Variants in EPHA6 observed in about 807,000 individuals in gnomAD.
The protein encoded by EPHA6 is EPH receptor A6.
Under a neutral mutation model 112.0 loss-of-function variants are expected in EPHA6, and 50 were observed. That is an observed-to-expected ratio of 0.45 (90% confidence interval 0.36 to 0.56). The LOEUF is 0.56. Among genes scored for constraint, EPHA6 ranks in the 20% least tolerant of loss-of-function variants. The probability of loss-of-function intolerance (pLI) is 0.00; values close to 1 mark genes in which losing one functional copy is unlikely to be tolerated. For synonymous variants in EPHA6, 529 were observed against 490.7 expected (o/e 1.08, Z -1.03); for missense variants, 1,280 against 1,417.4 (o/e 0.90, Z 1.56).
At chr3:97,516,334 T>C (rs1361554400) in intron 10 of EPHA6, among the ~76,000 whole-genome samples, 1 of 152,204 alleles carries the variant, frequency 6.6e-6, no homozygotes, top group Non-Finnish European at 1.5e-5. Context: ...ACAAGCCTTG[T>C]TAAGCATGAG....
chr3:97,716,070 G>A (rs1168323640), intron 14 of EPHA6, among the ~76,000 whole-genome samples: 1 of 152,142 alleles, frequency 6.6e-6, no homozygotes, highest in African/African-American at 2.4e-5. Flanking sequence ...AAAGCAACAT[G>A]TAATGTTCCA....
At chr3:97,187,310 G>A (rs549589248) in intron 3 of EPHA6, among the ~76,000 whole-genome samples, 3 of 152,156 alleles carry the variant, frequency 2.0e-5, no homozygotes, top group African/African-American at 7.2e-5. Flanking sequence ...GGGCACGGTG[G>A]CTCACGCCTG....
At chr3:96,819,413 C>T (rs967336582) in intron 1 of EPHA6, among the ~76,000 whole-genome samples, 3 of 151,962 alleles carry the variant, frequency 2.0e-5, no homozygotes, top group Admixed American at 2.0e-4. Flanking sequence ...AACCCTTTTT[C>T]CCTATCACAA....
At chr3:97,650,328 T>C (rs1272057121) in intron 14 of EPHA6, among the ~76,000 whole-genome samples, 2 of 152,046 alleles carry the variant, frequency 1.3e-5, no homozygotes, top group Non-Finnish European at 2.9e-5. Context: ...GAACTGACAA[T>C]GGCAGATGTT....
Position 97,012,628 on chromosome 3 carries a change from T to A in EPHA6, c.1114+24635T>A, listed in dbSNP as rs996731257. On this transcript the variant is annotated intron_variant, in intron 3 of 17. Transcript: ENST00000389672. ...GTGTGTATATATATATATATGTATTTTTTTTTTTTTTTAAAGAAACTGGGT... is the reference window on the plus strand; with the variant it reads ...GTGTGTATATATATATATATGTATTATTTTTTTTTTTTAAAGAAACTGGGT... Among the ~76,000 whole-genome samples, 8 of 148,380 alleles carry A rather than the reference T, an allele frequency of 5.4e-5. No individual in the cohort carries two copies. The East Asian group carries it at 1.6e-3, about 29-fold the overall frequency.
At position 97,324,417 on chromosome 3, in the gene EPHA6, C is replaced by CT. The variant is rs796396442; in HGVS notation, c.1606+80133dup. On this transcript the variant is annotated intron_variant, in intron 5 of 17. Coordinates refer to ENST00000389672, the MANE Select transcript of EPHA6 (RefSeq NM_001080448.3). ...TTTGCTTTCCTTCTTTTCTTTCTTTCTTTCTTTCTTTCTTTCTTTCTTTCT... is the reference window on the plus strand; with the variant it reads ...TTTGCTTTCCTTCTTTTCTTTCTTTCTTTTCTTTCTTTCTTTCTTTCTTTCT... 2.6e-3 allele frequency among the ~76,000 whole-genome samples: 334 copies of CT among 126,908 alleles called. 2 individuals are homozygous for CT. The highest frequency in any genetic ancestry group is 0.011 in the Middle Eastern group (3 of 270). The allele number at this position is 126,908 out of a possible 152,430, so 83.3% of individuals were successfully genotyped here. A position where few individuals can be genotyped will look rare whatever the true frequency, so the allele number is the denominator to read the frequency against.
intron 5 of EPHA6, among the ~76,000 whole-genome samples, chr3:97,287,247 C>G (rs2080500152): frequency 6.6e-6 from 1 of 151,768 alleles, no homozygotes; most frequent in Admixed American, 6.6e-5. Context: ...TTTCTCTTGC[C>G]TGATTGCTCT....
chr3:97,298,069 T>C (rs1008071188), intron 5 of EPHA6, among the ~76,000 whole-genome samples: 1 of 152,204 alleles, frequency 6.6e-6, no homozygotes, highest in African/African-American at 2.4e-5. Context: ...GGTGGGTTAT[T>C]ATTTTAAAGA....
intron 2 of EPHA6, among the ~76,000 whole-genome samples, chr3:96,883,585 T>G (rs2037447303): frequency 1.3e-5 from 2 of 152,164 alleles, no homozygotes. Flanking sequence ...TTGAGTTGAT[T>G]TTTGTATAAG....
At chr3:97,407,076 T>C (rs114722309) in intron 6 of EPHA6, among the ~76,000 whole-genome samples, 2,387 of 152,236 alleles carry the variant, frequency 0.016, 63 homozygotes, top group African/African-American at 0.052. Flanking sequence ...ATACCTGATA[T>C]GTTTGAGGAT....
chr3:97,598,706 A>C (rs1576021490), intron 12 of EPHA6, among the ~76,000 whole-genome samples: 4 of 151,440 alleles, frequency 2.6e-5, no homozygotes, highest in Non-Finnish European at 1.5e-5. Context: ...TGCTATTGTG[A>C]ATAATGCCGC....
intron 10 of EPHA6, among the ~76,000 whole-genome samples, chr3:97,500,414 G>T (rs543752119): frequency 6.6e-6 from 1 of 152,248 alleles, no homozygotes; most frequent in African/African-American, 2.4e-5. Context: ...GGTGAAGGGG[G>T]AGCAGGCATG....
chr3:97,287,945 C>A (rs1040242273), intron 5 of EPHA6, among the ~76,000 whole-genome samples: 7 of 151,782 alleles, frequency 4.6e-5, no homozygotes, highest in Admixed American at 4.6e-4. Context: ...GAATTCCCTC[C>A]TCTGCAATTT....
In EPHA6 at chr3:97,539,030, T is replaced by G. The variant is rs149080997; in HGVS notation, c.2386+6487T>G. Among the ~76,000 whole-genome samples the G allele has an allele frequency of 4.2e-3, 609 of 145,730 alleles. 5 individuals are homozygous for G. Among genetic ancestry groups the G allele is most frequent in the Non-Finnish European group, 5.7e-3 (380 of 66,898 alleles). On this transcript the variant is annotated intron_variant, in intron 11 of 17. Coordinates refer to ENST00000389672, the MANE Select transcript of EPHA6 (RefSeq NM_001080448.3). ...TTCTTTCTTTCTTTCTTTCTTTCTT[T>G]CTTTCTTGCTTTCTTTCTTTCTTTT...
intron 3 of EPHA6, among the ~76,000 whole-genome samples, chr3:96,994,715 A>G (rs958665457): frequency 8.7e-5 from 8 of 92,078 alleles, no homozygotes; most frequent in African/African-American, 2.9e-4. Flanking sequence ...GTGTGTATAT[A>G]TATATATATA....
chr3:97,324,450 T>TTTCTTTCTTTCC (rs2082299753), intron 5 of EPHA6, among the ~76,000 whole-genome samples: 1 of 148,492 alleles, frequency 6.7e-6, no homozygotes, highest in African/African-American at 2.5e-5. Flanking sequence ...TCTTTCTTTC[T>TTTCTTTCTTTCC]TTCTTTCTTT....
At chr3:96,980,730 C>T (rs1487846992) in intron 2 of EPHA6, among the ~76,000 whole-genome samples, 2 of 152,120 alleles carry the variant, frequency 1.3e-5, no homozygotes, top group East Asian at 1.9e-4. Context: ...TTTCATTGAG[C>T]AGTGGTTTGT....
At chr3:97,396,868 ACATAAG>A (rs1399477080) in intron 5 of EPHA6, among the ~76,000 whole-genome samples, 1 of 151,838 alleles carries the variant, frequency 6.6e-6, no homozygotes, top group African/African-American at 2.4e-5. Flanking sequence ...AGCTATCTCC[ACATAAG>A]CATAAGAAAA....
intron 16 of EPHA6, among the ~76,000 whole-genome samples, chr3:97,739,953 G>A (rs909240840): frequency 6.6e-6 from 1 of 152,010 alleles, no homozygotes; most frequent in Non-Finnish European, 1.5e-5. Flanking sequence ...ACAGCCCTTG[G>A]GAGAAAGGAC....
Sources: allele counts gnomAD v4.1 joint callset (sites outside exome capture counted in the v4.1 genomes callset), GRCh38; gene constraint gnomAD v4.1.1; transcripts MANE v1.5; gene names NCBI Gene and HGNC (gene_info 2026-07-23, HGNC 2026-07-21).